LINC00305: variants seen among roughly 807,000 people sequenced by gnomAD.
The protein encoded by LINC00305 is long intergenic non-protein coding RNA 305.
intron 1 of LINC00305, among the ~76,000 whole-genome samples, chr18:64,110,212 A>G (rs2051309399): frequency 6.6e-6 from 1 of 152,212 alleles, no homozygotes; most frequent in Non-Finnish European, 1.5e-5. Context: ...ATGAATAAGA[A>G]ATAAAATTTT....
chr18:64,110,724 C>A (rs1334468478), intron 1 of LINC00305, among the ~76,000 whole-genome samples: 1 of 152,106 alleles, frequency 6.6e-6, no homozygotes, highest in Non-Finnish European at 1.5e-5. Flanking sequence ...TTAAAAAGAT[C>A]TCTGCTGCTA....
chr18:64,130,641 CAG>C (rs2051405619), intron 1 of LINC00305, among the ~76,000 whole-genome samples: 1 of 151,912 alleles, frequency 6.6e-6, no homozygotes, highest in Non-Finnish European at 1.5e-5. Context: ...TCTATGGAAA[CAG>C]AGAGGAGGGA....
In LINC00305 at chr18:64,136,959, T is replaced by A. The variant is rs145335667; in HGVS notation, n.314+11816A>T. ...TCACTTGATTTGCCATTGCATTGGG[T>A]TGCATAGCGTCCACCTGCACCCCTC... On this transcript the variant is annotated intron_variant and non_coding_transcript_variant, in intron 1 of 3. Coordinates refer to ENST00000666468, the Ensembl canonical transcript of LINC00305. Among the ~76,000 whole-genome samples, 114 of 152,254 alleles carry A rather than the reference T, an allele frequency of 7.5e-4. No individual in the cohort carries two copies. The East Asian group carries it at 0.015, about 20-fold the overall frequency.
intron 1 of LINC00305, among the ~76,000 whole-genome samples, chr18:64,139,968 C>G (rs2051453573): frequency 6.6e-6 from 1 of 152,150 alleles, no homozygotes; most frequent in Admixed American, 6.5e-5. Context: ...TGCCCTCTTT[C>G]ATGCTGTTCC....
Position 64,102,090 on chromosome 18 carries a change from C to T in LINC00305, n.315-3450G>A, listed in dbSNP as rs1023005489. Among the ~76,000 whole-genome samples, 12 of 152,256 alleles carry T rather than the reference C, an allele frequency of 7.9e-5. No homozygotes were observed. In the South Asian group the frequency reaches 2.5e-3, roughly 32 times the overall value. On this transcript the variant is annotated intron_variant and non_coding_transcript_variant, in intron 1 of 3. Coordinates refer to ENST00000666468, the Ensembl canonical transcript of LINC00305. ...ACAACATCATCCTGTGTTCCGATGC[C>T]CCCAGTGACCGCTGTTCATATCAGT...
Position 64,100,937 on chromosome 18 carries a change from G to A in LINC00305, n.315-2297C>T, listed in dbSNP as rs374558113. Among the ~76,000 whole-genome samples the A allele has an allele frequency of 2.4e-4, 37 of 152,274 alleles. 3 individuals are homozygous for A. The South Asian group carries it at 7.5e-3, about 31-fold the overall frequency. On this transcript the variant is annotated intron_variant and non_coding_transcript_variant, in intron 1 of 3. Transcript: ENST00000666468. ...TCATTTATTTTATGGAGAAAACAGG[G>A]TGCTTGCTTTCCAGAGACCTTTCTA...
intron 1 of LINC00305, among the ~76,000 whole-genome samples, chr18:64,137,835 T>TATACACACAC (rs1461597093): frequency 6.9e-6 from 1 of 144,646 alleles, no homozygotes; most frequent in Non-Finnish European, 1.6e-5. Flanking sequence ...CATTAAATAA[T>TATACACACAC]ATACACACAC....
At chr18:64,115,859 T>C (rs1334379824) in intron 1 of LINC00305, among the ~76,000 whole-genome samples, 3 of 152,190 alleles carry the variant, frequency 2.0e-5, no homozygotes, top group Non-Finnish European at 4.4e-5. Context: ...AGTCATCTCT[T>C]TGAAAAGAAA....
intron 1 of LINC00305, among the ~76,000 whole-genome samples, chr18:64,143,203 T>A (rs1266071367): frequency 6.6e-6 from 1 of 152,186 alleles, no homozygotes; most frequent in African/African-American, 2.4e-5. Context: ...TATTTAAAAA[T>A]GATCTACTTG....
chr18:64,105,417 C>A (rs532159623), intron 1 of LINC00305, among the ~76,000 whole-genome samples: 13 of 152,242 alleles, frequency 8.5e-5, no homozygotes, highest in Admixed American at 6.5e-4. Context: ...ACTGATTGTA[C>A]CACTGCACTC....
chr18:64,106,192 G>A (rs1018817138), intron 1 of LINC00305, among the ~76,000 whole-genome samples: 14 of 152,142 alleles, frequency 9.2e-5, no homozygotes, highest in African/African-American at 2.4e-4. Context: ...GAAGTGTTGT[G>A]TATATTTTCT....
At chr18:64,121,946 G>T (rs927458270) in intron 1 of LINC00305, among the ~76,000 whole-genome samples, 1 of 152,086 alleles carries the variant, frequency 6.6e-6, no homozygotes, top group African/African-American at 2.4e-5. Flanking sequence ...TAGTGATGTT[G>T]AGCATTTTTC....
intron 1 of LINC00305, among the ~76,000 whole-genome samples, chr18:64,099,880 C>T (rs1042263585): frequency 6.6e-6 from 1 of 152,098 alleles, no homozygotes; most frequent in Non-Finnish European, 1.5e-5. Flanking sequence ...TTCTCAGGTT[C>T]CTTGTTAACA....
rs962072525 is a variant in LINC00305 at position 64,083,616 on chromosome 18, G to A, written n.541-3214C>T. 2.0e-5 allele frequency among the ~76,000 whole-genome samples: 3 copies of A among 152,170 alleles called. 1 individual carries two copies. The highest frequency in any genetic ancestry group is 4.1e-4 in the South Asian group (2 of 4,826). ...TGGTAAAGAACCAAGTGGTGCTGACGTGCACATGGGAACTCAGAGAAAAGG... is the reference window on the plus strand; with the variant it reads ...TGGTAAAGAACCAAGTGGTGCTGACATGCACATGGGAACTCAGAGAAAAGG... On this transcript the variant is annotated intron_variant and non_coding_transcript_variant, in intron 3 of 3. Coordinates refer to ENST00000666468, the Ensembl canonical transcript of LINC00305.
chr18:64,131,672 C>T (rs2051410435), intron 1 of LINC00305, among the ~76,000 whole-genome samples: 1 of 152,088 alleles, frequency 6.6e-6, no homozygotes, highest in African/African-American at 2.4e-5. Context: ...AAGGGATAGC[C>T]TATGATGGTA....
chr18:64,087,463 T>A (rs2051207573), intron 3 of LINC00305, among the ~76,000 whole-genome samples: 3 of 152,218 alleles, frequency 2.0e-5, no homozygotes, highest in Non-Finnish European at 4.4e-5. Context: ...TTATTCCATT[T>A]GATAATTAAT....
intron 3 of LINC00305, among the ~76,000 whole-genome samples, chr18:64,094,674 G>A (rs1469247238): frequency 2.0e-5 from 3 of 151,932 alleles, no homozygotes; most frequent in East Asian, 1.9e-4. Context: ...ACCACCCTGG[G>A]CAACATGCCA....
chr18:64,097,878 G>A, exon 3 of LINC00305: 2 of 458,030 alleles, frequency 4.4e-6, no homozygotes, highest in Non-Finnish European at 8.8e-6. Context: ...TCTAACCACT[G>A]TCTTCTGACG....
intron 1 of LINC00305, among the ~76,000 whole-genome samples, chr18:64,134,677 A>G (rs540526607): frequency 1.3e-5 from 2 of 152,226 alleles, no homozygotes; most frequent in East Asian, 3.9e-4. Flanking sequence ...AAGTTACGTC[A>G]TTTTCTTTCT....
Sources: allele counts gnomAD v4.1 joint callset (sites outside exome capture counted in the v4.1 genomes callset), GRCh38; gene constraint gnomAD v4.1.1; transcripts MANE v1.5; gene names NCBI Gene and HGNC (gene_info 2026-07-23, HGNC 2026-07-21).